The following STRIP1 variants were observed in gnomAD, a reference collection of about 807,000 sequenced individuals.
STRIP1 encodes the protein striatin interacting protein 1, also known as striatin-interacting protein 1.
A neutral mutation model predicts 106.2 loss-of-function variants in STRIP1; 63 were observed. The ratio of observed to expected loss-of-function variants is 0.59; its 90% CI spans 0.48 to 0.73. The LOEUF (loss-of-function observed/expected upper bound fraction) is 0.73, where lower values mean the gene tolerates loss of function less well. STRIP1 is among the 30% of genes least tolerant of loss of function. The pLI, the probability that STRIP1 is intolerant of heterozygous loss-of-function variation, is 0.00. For missense variants in STRIP1, 857 were observed against 1,074.8 expected (o/e 0.80, Z 2.83); for synonymous variants, 390 against 413.0 (o/e 0.94, Z 0.67).
chr1:110,044,943 C>G, intron 11 of STRIP1, 38 bp downstream of exon 11: 1 of 1,613,784 alleles, frequency 6.2e-7, no homozygotes, highest in Non-Finnish European at 8.5e-7. Context: ...GTTAGCTCTC[C>G]CGGCCTTTGG....
In STRIP1 at chr1:110,054,064, G is replaced by A; in HGVS notation, c.*152G>A. ...CGCAGTCTGTCCTGGGCTTGGGTGA[G>A]CCCAGCTTGACCTCCCCTTGGTTCC... On this transcript the variant is annotated 3_prime_UTR_variant, in exon 21 of 21. Coordinates refer to ENST00000369795, the MANE Select transcript of STRIP1 (RefSeq NM_033088.4). 1.1e-6 allele frequency: 1 copy of A among 943,552 alleles called. No homozygotes were observed. The highest frequency in any genetic ancestry group is 2.5e-5 in the East Asian group (1 of 40,274). 58.4% of individuals were successfully genotyped at this position (943,552 alleles called of 1,614,324 possible).
Position 110,041,650 on chromosome 1 carries a change from C to T in STRIP1, c.757+8C>T, listed in dbSNP as rs1652766908. The T allele has an allele frequency of 6.2e-7, 1 of 1,614,098 alleles. No homozygotes were observed. Among genetic ancestry groups the T allele is most frequent in the Non-Finnish European group, 8.5e-7 (1 of 1,180,024 alleles). On this transcript the variant is annotated splice_region_variant and intron_variant, in intron 7 of 20. Coordinates refer to ENST00000369795, the MANE Select transcript of STRIP1 (RefSeq NM_033088.4). ...CCTTCAGAGCCGAGCTGGGTAGGAC[C>T]CTGGGGATCCTCTCTAGAGGCCCTG... is the stretch of plus-strand genomic sequence containing the variant.
At chr1:110,032,261 C>T (rs979468783), upstream of STRIP1, among the ~76,000 whole-genome samples, 1 of 152,108 alleles carries the variant, frequency 6.6e-6, no homozygotes, top group African/African-American at 2.4e-5. Flanking sequence ...TTATGATAGG[C>T]ACAGGAAGAT....
At chr1:110,044,044 C>A (rs1652905328) in intron 10 of STRIP1, among the ~76,000 whole-genome samples, 188 bp downstream of exon 10, 1 of 152,240 alleles carries the variant, frequency 6.6e-6, no homozygotes, top group Non-Finnish European at 1.5e-5. Context: ...CCTTGCTGGT[C>A]TCACACAACA....
At chr1:110,048,793 T>C (rs1239803356) in intron 15 of STRIP1, among the ~76,000 whole-genome samples, 1 of 152,188 alleles carries the variant, frequency 6.6e-6, no homozygotes, top group South Asian at 2.1e-4. Context: ...CAGAACACAT[T>C]TGGAGAACTC....
chr1:110,041,900 A>G, intron 8 of STRIP1, 39 bp downstream of exon 8: 1 of 1,602,094 alleles, frequency 6.2e-7, no homozygotes, highest in Non-Finnish European at 8.5e-7. Flanking sequence ...GTGCTATGGG[A>G]TGGGCAGTAG....
rs558377480 is a variant in STRIP1 at position 110,054,453 on chromosome 1, C to A, written c.*541C>A. The A allele has an allele frequency of 6.5e-5, 10 of 154,124 alleles. No homozygotes were observed. The highest frequency in any genetic ancestry group is 1.9e-4 in the Admixed American group (3 of 15,528). 9.5% of individuals were successfully genotyped at this position (154,124 alleles called of 1,614,324 possible). A position where few individuals can be genotyped will look rare whatever the true frequency, so the allele number is the denominator to read the frequency against. On this transcript the variant is annotated 3_prime_UTR_variant, in exon 21 of 21. Coordinates refer to ENST00000369795, the MANE Select transcript of STRIP1 (RefSeq NM_033088.4). ...GTAATTGCGGAGGCTCCTTCAGCTG[C>A]CTCAGCACTTTGATTTTGGACAGGG...
At chr1:110,047,978 A>G (rs959568287) in intron 15 of STRIP1, 109 bp downstream of exon 15, 3 of 903,514 alleles carry the variant, frequency 3.3e-6, no homozygotes, top group Non-Finnish European at 5.1e-6. Context: ...TACAGGTTAA[A>G]TGTAGGTATT....
At chr1:110,042,821 AG>A (rs1652827089) in intron 8 of STRIP1, 1 of 357,616 alleles carries the variant, frequency 2.8e-6, no homozygotes, top group African/African-American at 2.1e-5. Context: ...TAAATTGAAG[AG>A]TATGTCATAG....
chr1:110,040,484 G>A (rs1312227039), intron 5 of STRIP1, 151 bp from the exon 6 acceptor site: 3 of 666,712 alleles, frequency 4.5e-6, no homozygotes, highest in Non-Finnish European at 7.5e-6. Flanking sequence ...GCCCAGCCAT[G>A]GTCTGGTTTC....
At chr1:110,044,944 C>T (rs752556231) in intron 11 of STRIP1, 39 bp downstream of exon 11, 23 of 1,613,568 alleles carry the variant, frequency 1.4e-5, no homozygotes, top group South Asian at 4.4e-5. Flanking sequence ...TTAGCTCTCC[C>T]GGCCTTTGGT....
At chr1:110,050,309 C>A in intron 17 of STRIP1, 34 bp from the exon 18 acceptor site, 1 of 1,611,338 alleles carries the variant, frequency 6.2e-7, no homozygotes, top group South Asian at 1.1e-5. Context: ...GGCCTTTGCT[C>A]ATGGTGGGCA....
At chr1:110,048,793 T>G (rs1239803356) in intron 15 of STRIP1, among the ~76,000 whole-genome samples, 3 of 152,188 alleles carry the variant, frequency 2.0e-5, no homozygotes, top group Non-Finnish European at 4.4e-5. Context: ...CAGAACACAT[T>G]TGGAGAACTC....
At chr1:110,048,979 T>G in intron 15 of STRIP1, 133 bp from the exon 16 acceptor site, 30 of 1,021,964 alleles carry the variant, frequency 2.9e-5, no homozygotes, top group Non-Finnish European at 3.9e-5. Context: ...GGCTGACTTC[T>G]GAGATGTCCT....
upstream of STRIP1, among the ~76,000 whole-genome samples, chr1:110,032,580 C>A (rs968315147): frequency 2.6e-5 from 4 of 152,104 alleles, no homozygotes; most frequent in Non-Finnish European, 4.4e-5. Context: ...AAGTCTTGAT[C>A]TTTCCTCTAA....
At position 110,034,668 on chromosome 1, in the gene STRIP1, C is replaced by T. The variant is rs753755654; in HGVS notation, c.31C>T (p.Leu11=). 9.9e-5 allele frequency: 151 copies of T among 1,524,766 alleles called. No homozygotes were observed. The highest frequency in any genetic ancestry group is 1.3e-4 in the Non-Finnish European group (147 of 1,137,086). The allele number at this position is 1,524,766 out of a possible 1,614,324, so 94.5% of individuals were successfully genotyped here. The change falls in exon 1 of 21, where the codon CTG becomes TTG. Residue 11 remains leucine, a synonymous_variant. Coordinates refer to ENST00000369795, the MANE Select transcript of STRIP1 (RefSeq NM_033088.4). ...GCCGGCAGTCGGCGGTCCGGGCCCACTGATCGTGAACAACAAACAGCCCCA... is the reference window on the plus strand; with the variant it reads ...GCCGGCAGTCGGCGGTCCGGGCCCATTGATCGTGAACAACAAACAGCCCCA... The part of the protein sequence containing the change: MEPAVGGPGP[L]IVNNKQPQPP...
rs1653192134 is a variant in STRIP1 at position 110,049,511 on chromosome 1, C to T, written c.1840C>T (p.Leu614=). 1 of 1,613,092 alleles carries T rather than the reference C, an allele frequency of 6.2e-7. No individual in the cohort carries two copies. The highest frequency in any genetic ancestry group is 8.5e-7 in the Non-Finnish European group (1 of 1,179,830). Residue 614 remains leucine, a synonymous_variant, in exon 17 of 21, where the codon CTA becomes TTA. Coordinates refer to ENST00000369795, the MANE Select transcript of STRIP1 (RefSeq NM_033088.4). ...GTTTGCCAACTGCATTCCTTTGATC[C>T]TAAAGTTCTTCAATCAAAACATCAT... ...LVFANCIPLI[L]KFFNQNIMSY...
At chr1:110,038,257 C>T (rs1365263178) in intron 2 of STRIP1, 2 of 177,346 alleles carry the variant, frequency 1.1e-5, no homozygotes, top group Admixed American at 5.7e-5. Context: ...ACAGTGGTCT[C>T]TCCTCCAGCA....
upstream of STRIP1, chr1:110,034,495 G>A: frequency 1.1e-6 from 1 of 876,820 alleles, no homozygotes. Context: ...AGAATATCGC[G>A]AGGTATTGGT....
Sources: allele counts gnomAD v4.1 joint callset (sites outside exome capture counted in the v4.1 genomes callset), GRCh38; gene constraint gnomAD v4.1.1; transcripts MANE v1.5; gene names NCBI Gene and HGNC (gene_info 2026-07-23, HGNC 2026-07-21).